DACH1: variants seen among roughly 807,000 people sequenced by gnomAD.
DACH1 encodes the protein dachshund homolog 1.
In DACH1, 12 loss-of-function variants were observed where a neutral mutation model predicts 54.2. That is an observed-to-expected ratio of 0.22 (90% CI 0.14 to 0.36). The LOEUF (loss-of-function observed/expected upper bound fraction) is 0.36. Ranked by LOEUF, DACH1 falls within the 10% of genes least tolerant of loss-of-function variation. The pLI is 1.00. For missense variants in DACH1, 805 were observed against 929.8 expected (o/e 0.87, Z 1.75); for synonymous variants, 386 against 366.2 (o/e 1.05, Z -0.62).
chr13:71,536,302 G>T (rs541657216), intron 6 of DACH1, among the ~76,000 whole-genome samples: 2 of 151,968 alleles, frequency 1.3e-5, no homozygotes, highest in Admixed American at 1.3e-4. Context: ...TTTCTCAAGC[G>T]CAATTTTATC....
intron 10 of DACH1, among the ~76,000 whole-genome samples, chr13:71,446,732 G>A (rs1477917174): frequency 6.6e-6 from 1 of 152,152 alleles, no homozygotes; most frequent in Non-Finnish European, 1.5e-5. Flanking sequence ...CATTTGTCTC[G>A]CTGCCTTGTG....
chr13:71,702,374 G>T (rs1408998345), intron 1 of DACH1, among the ~76,000 whole-genome samples: 1 of 152,082 alleles, frequency 6.6e-6, no homozygotes, highest in East Asian at 1.9e-4. Flanking sequence ...GAACAGGGAA[G>T]AAAGAAAATA....
At chr13:71,849,021 G>A (rs963286062) in intron 1 of DACH1, among the ~76,000 whole-genome samples, 2 of 151,952 alleles carry the variant, frequency 1.3e-5, no homozygotes, top group African/African-American at 2.4e-5. Context: ...ATGACCCTAC[G>A]GTGTCTATAC....
intron 10 of DACH1, among the ~76,000 whole-genome samples, chr13:71,441,482 G>A (rs779631363): frequency 6.6e-5 from 10 of 151,930 alleles, no homozygotes; most frequent in Non-Finnish European, 1.5e-4. Context: ...CTACTTCCTG[G>A]TATGGCCTAA....
At chr13:71,717,243 A>G (rs1883015729) in intron 1 of DACH1, among the ~76,000 whole-genome samples, 1 of 152,200 alleles carries the variant, frequency 6.6e-6, no homozygotes, top group Non-Finnish European at 1.5e-5. Context: ...CAGTCAAATA[A>G]TACAGAATAT....
intron 10 of DACH1, among the ~76,000 whole-genome samples, chr13:71,466,597 C>T (rs1402250903): frequency 6.6e-6 from 1 of 152,140 alleles, no homozygotes; most frequent in African/African-American, 2.4e-5. Context: ...AATCATATCA[C>T]TTTGGGAGGC....
intron 1 of DACH1, among the ~76,000 whole-genome samples, chr13:71,770,097 C>T (rs1336473391): frequency 6.6e-6 from 1 of 151,606 alleles, no homozygotes; most frequent in African/African-American, 2.4e-5. Context: ...TATTTATCTT[C>T]AATTTCTCCA....
chr13:71,655,023 T>C, intron 2 of DACH1, among the ~76,000 whole-genome samples: 1 of 152,182 alleles, frequency 6.6e-6, no homozygotes, highest in East Asian at 1.9e-4. Context: ...TAACATAGTT[T>C]AGTCAACTTC....
intron 6 of DACH1, among the ~76,000 whole-genome samples, chr13:71,531,049 T>C (rs533129891): frequency 6.6e-6 from 1 of 152,196 alleles, no homozygotes; most frequent in South Asian, 2.1e-4. Flanking sequence ...TATATAACTA[T>C]ATCAAAAGTG....
chr13:71,445,078 T>C (rs1298109546), intron 10 of DACH1, among the ~76,000 whole-genome samples: 1 of 152,066 alleles, frequency 6.6e-6, no homozygotes, highest in Non-Finnish European at 1.5e-5. Flanking sequence ...TCCCCCACGA[T>C]AAGCCCCGTG....
chr13:71,748,005 A>G (rs980522008), intron 1 of DACH1, among the ~76,000 whole-genome samples: 2 of 152,182 alleles, frequency 1.3e-5, no homozygotes, highest in African/African-American at 4.8e-5. Context: ...CAATATGGAG[A>G]GACCTTTGGG....
chr13:71,542,334 G>C (rs1315988776), intron 6 of DACH1, among the ~76,000 whole-genome samples: 1 of 151,858 alleles, frequency 6.6e-6, no homozygotes. Flanking sequence ...TGTACATCAG[G>C]TATAAAAAGT....
chr13:71,524,906 C>G (rs1351339670), intron 6 of DACH1, among the ~76,000 whole-genome samples: 4 of 152,062 alleles, frequency 2.6e-5, no homozygotes, highest in African/African-American at 9.7e-5. Flanking sequence ...GTTTCCTAAA[C>G]GCTTTTGAAA....
At chr13:71,852,858 T>C (rs1873763019) in intron 1 of DACH1, among the ~76,000 whole-genome samples, 1 of 152,204 alleles carries the variant, frequency 6.6e-6, no homozygotes, top group East Asian at 1.9e-4. Flanking sequence ...TTTCTGCTCC[T>C]TGGACATGCT....
At chr13:71,554,839 TATA>T (rs1295858309) in intron 6 of DACH1, among the ~76,000 whole-genome samples, 2 of 152,118 alleles carry the variant, frequency 1.3e-5, no homozygotes, top group Admixed American at 6.6e-5. Flanking sequence ...GTGGCAAAAT[TATA>T]ATAATAATAA....
intron 1 of DACH1, among the ~76,000 whole-genome samples, chr13:71,710,501 T>A (rs1882674915): frequency 6.6e-6 from 1 of 151,110 alleles, no homozygotes; most frequent in Admixed American, 6.6e-5. Flanking sequence ...TGTTTATGTG[T>A]GTGTGTGTGA....
At chr13:71,710,467 TGTG>T (rs1275048031) in intron 1 of DACH1, among the ~76,000 whole-genome samples, 6 of 149,698 alleles carry the variant, frequency 4.0e-5, no homozygotes, top group Admixed American at 4.0e-4. Flanking sequence ...TGTGTGTGTG[TGTG>T]TGTGTGTGTG....
intron 2 of DACH1, among the ~76,000 whole-genome samples, chr13:71,642,357 T>G (rs1366802283): frequency 3.3e-5 from 5 of 152,188 alleles, no homozygotes; most frequent in African/African-American, 2.4e-5. Flanking sequence ...TCACAAAAGC[T>G]TCGTGAGAAA....
chr13:71,653,081 T>C (rs1192758573), intron 2 of DACH1, among the ~76,000 whole-genome samples: 1 of 152,166 alleles, frequency 6.6e-6, no homozygotes, highest in East Asian at 1.9e-4. Flanking sequence ...CTGTATGAAA[T>C]TGCTGATATT....
Sources: gnomAD v4.1 joint callset for allele counts (sites outside exome capture counted in the v4.1 genomes callset) on GRCh38, gnomAD v4.1.1 for gene constraint, MANE v1.5 for transcripts, NCBI Gene and HGNC (gene_info 2026-07-23, HGNC 2026-07-21) for gene names.